Variants in ST7 observed in about 807,000 individuals in gnomAD.
ST7 encodes the protein suppression of tumorigenicity 7, also known as suppressor of tumorigenicity 7 protein.
Under a neutral mutation model 78.7 loss-of-function variants are expected in ST7, and 28 were observed. The ratio of observed to expected loss-of-function variants is 0.36; its 90% CI spans 0.26 to 0.49. The LOEUF (loss-of-function observed/expected upper bound fraction) is 0.49, where lower values mean the gene tolerates loss of function less well. Among genes scored for constraint, ST7 ranks in the 20% least tolerant of loss-of-function variants. ST7 has a pLI of 0.99. For synonymous variants in ST7, 247 were observed against 249.6 expected, an observed-to-expected ratio of 0.99 and a Z score of 0.10; for missense variants, 418 against 696.0, an observed-to-expected ratio of 0.60 and a Z score of 4.49.
At chr7:117,059,842 G>A (rs1033701143) in intron 1 of ST7, among the ~76,000 whole-genome samples, 2 of 147,742 alleles carry the variant, frequency 1.4e-5, no homozygotes, top group East Asian at 2.0e-4. Context: ...AATTAGCTAC[G>A]TGTGGTAATG....
At chr7:117,156,492 A>G (rs1256346472) in intron 9 of ST7, among the ~76,000 whole-genome samples, 4 of 152,196 alleles carry the variant, frequency 2.6e-5, no homozygotes, top group African/African-American at 4.8e-5. Flanking sequence ...TATTGCAGGA[A>G]GGAAATTGGA....
intron 10 of ST7, among the ~76,000 whole-genome samples, chr7:117,171,780 A>G (rs1374552260): frequency 6.6e-6 from 1 of 152,050 alleles, no homozygotes; most frequent in Non-Finnish European, 1.5e-5. Flanking sequence ...CCATCTTCCT[A>G]AAGTGTTTCC....
chr7:117,063,943 T>C (rs1798492884), intron 1 of ST7, among the ~76,000 whole-genome samples: 1 of 152,226 alleles, frequency 6.6e-6, no homozygotes, highest in African/African-American at 2.4e-5. Context: ...TGTTCTTGTA[T>C]GATTTGAAGC....
intron 1 of ST7, chr7:116,954,238 C>A (rs1370095466): frequency 1.3e-5 from 2 of 152,126 alleles, no homozygotes; most frequent in South Asian, 2.1e-4. Context: ...CCGGGCGGCG[C>A]CCTCCGTGGC....
intron 1 of ST7, among the ~76,000 whole-genome samples, chr7:117,051,684 G>A (rs1797798964): frequency 6.6e-6 from 1 of 152,166 alleles, no homozygotes; most frequent in African/African-American, 2.4e-5. Flanking sequence ...AGAAGTGATG[G>A]TGGCCTGGAC....
intron 9 of ST7, 77 bp downstream of exon 9, chr7:117,138,609 A>G (rs1047744014): frequency 5.2e-5 from 55 of 1,058,542 alleles, no homozygotes; most frequent in Non-Finnish European, 7.4e-5. Flanking sequence ...AGTCTGTACC[A>G]GTGATGGTGT....
chr7:116,996,033 A>T (rs935984862), intron 1 of ST7, among the ~76,000 whole-genome samples: 33 of 148,838 alleles, frequency 2.2e-4, no homozygotes, highest in Admixed American at 2.2e-3. Context: ...TAACAAACTG[A>T]TGTGTCTTCC....
chr7:117,133,179 T>C (rs556649370), intron 6 of ST7, among the ~76,000 whole-genome samples: 63 of 152,074 alleles, frequency 4.1e-4, no homozygotes, highest in Admixed American at 1.3e-3. Flanking sequence ...TCCAAATCAC[T>C]GTGTTCTGTA....
intron 1 of ST7, among the ~76,000 whole-genome samples, chr7:117,027,463 A>AAAGT (rs61692677): frequency 1.1e-4 from 16 of 140,730 alleles, no homozygotes; most frequent in African/African-American, 3.4e-4. Context: ...AAAGTAAAGT[A>AAAGT]AAAGTAAAGT....
intron 10 of ST7, among the ~76,000 whole-genome samples, chr7:117,173,045 C>T (rs1461658040): frequency 1.3e-5 from 2 of 152,196 alleles, no homozygotes; most frequent in Admixed American, 6.5e-5. Flanking sequence ...CATATGTTCA[C>T]ATTATTTGTT....
chr7:117,091,370 A>T (rs1563074017), intron 1 of ST7, among the ~76,000 whole-genome samples: 1 of 152,242 alleles, frequency 6.6e-6, no homozygotes, highest in South Asian at 2.1e-4. Flanking sequence ...ACTGATTTTT[A>T]AAAAACATGC....
intron 12 of ST7, chr7:117,199,159 G>A (rs908740470): frequency 1.3e-5 from 2 of 152,178 alleles, no homozygotes; most frequent in Non-Finnish European, 2.9e-5. Context: ...GTGGAAGAGA[G>A]AGAGGTGGCA....
intron 10 of ST7, among the ~76,000 whole-genome samples, chr7:117,187,342 A>T (rs1382282782): frequency 6.6e-6 from 1 of 152,328 alleles, no homozygotes; most frequent in South Asian, 2.1e-4. Context: ...ATTGATTAAA[A>T]TATATTTTGG....
At chr7:116,992,906 A>G (rs1301822442) in intron 1 of ST7, among the ~76,000 whole-genome samples, 6 of 152,216 alleles carry the variant, frequency 3.9e-5, no homozygotes, top group Admixed American at 3.9e-4. Flanking sequence ...CAAATCTCTT[A>G]GGCAGGGGCA....
Position 117,131,896 on chromosome 7 carries a change from GC to G in ST7, c.579del (p.Trp194GlyfsTer19). Reference sequence around the variant, plus strand: ...TTTTTCTTAAATAGTAATGCAGAAAGCCTGGAGAGAGAGAAACCCCCAAGCT... The same window carrying G: ...TTTTTCTTAAATAGTAATGCAGAAAGCTGGAGAGAGAGAAACCCCCAAGCT... ...LRPADAIMQKAWRERNPQARI... is the reference protein window; with the variant it reads ...LRPADAIMQKXWRERNPQARI... On this transcript the variant is annotated frameshift_variant, in exon 6 of 16. Transcript: ENST00000323984. LOFTEE classifies it high-confidence loss of function. The G allele has an allele frequency of 6.2e-7, 1 of 1,611,128 alleles. No homozygotes were observed. The highest frequency in any genetic ancestry group is 8.5e-7 in the Non-Finnish European group (1 of 1,178,050).
At chr7:117,115,130 C>T (rs1286105980) in intron 2 of ST7, among the ~76,000 whole-genome samples, 1 of 152,070 alleles carries the variant, frequency 6.6e-6, no homozygotes, top group Non-Finnish European at 1.5e-5. Flanking sequence ...TTCCTCAGCC[C>T]TCTCATTCCC....
Position 117,138,477 on chromosome 7 carries a change from C to G in ST7, c.908C>G (p.Ala303Gly), listed in dbSNP as rs1804986297. Residue 303 changes from alanine to glycine, a missense_variant, in exon 9 of 16, where the codon GCA becomes GGA. Ala to Gly is a moderately conservative substitution (Grantham distance 60, BLOSUM62 0). Transcript: ENST00000323984. ...NVLVYIKRRL[A>G]MCARRLGRTR... ...TTGGTGTACATCAAAAGAAGGCTAG[C>G]AATGTGTGCCAGAAGACTCGGGAGG... The G allele has an allele frequency of 1.2e-6, 2 of 1,609,480 alleles. No individual in the cohort carries two copies. The highest frequency in any genetic ancestry group is 1.7e-6 in the Non-Finnish European group (2 of 1,177,834).
chr7:117,113,230 G>C (rs962034692), intron 2 of ST7, among the ~76,000 whole-genome samples: 1 of 152,186 alleles, frequency 6.6e-6, no homozygotes, highest in African/African-American at 2.4e-5. Flanking sequence ...ACTTACCTAC[G>C]AAACTTTGCT....
At chr7:116,956,561 C>T in intron 1 of ST7, 1 of 471,208 alleles carries the variant, frequency 2.1e-6, no homozygotes, top group Non-Finnish European at 4.4e-6. Flanking sequence ...CCATCACAAT[C>T]AGGCAGCCAG....
Sources: gnomAD v4.1 joint callset for allele counts (sites outside exome capture counted in the v4.1 genomes callset) on GRCh38, gnomAD v4.1.1 for gene constraint, MANE v1.5 for transcripts, NCBI Gene and HGNC (gene_info 2026-07-23, HGNC 2026-07-21) for gene names.